SLC4A1AP: variants seen among roughly 807,000 people sequenced by gnomAD.
The protein encoded by SLC4A1AP is solute carrier family 4 member 1 adaptor protein.
In SLC4A1AP, 64 loss-of-function variants were observed where a neutral mutation model predicts 89.7. The observed-to-expected ratio is 0.71, with a 90% confidence interval of 0.58 to 0.88. SLC4A1AP has a LOEUF of 0.88. SLC4A1AP is among the 40% of genes least tolerant of loss of function. The pLI, the probability that SLC4A1AP is intolerant of heterozygous loss-of-function variation, is 0.00. For missense variants in SLC4A1AP, 931 were observed against 965.0 expected, an observed-to-expected ratio of 0.96 and a Z score of 0.47; for synonymous variants, 366 against 353.3, an observed-to-expected ratio of 1.04 and a Z score of -0.40.
intron 5 of SLC4A1AP, among the ~76,000 whole-genome samples, chr2:27,673,199 T>G (rs2148133429): frequency 6.6e-6 from 1 of 152,318 alleles, no homozygotes; most frequent in Non-Finnish European, 1.5e-5. Flanking sequence ...GGCTCTCAGC[T>G]TTCCCCACTG....
At chr2:27,680,179 A>G (rs1572993823) in intron 8 of SLC4A1AP, among the ~76,000 whole-genome samples, 1 of 152,188 alleles carries the variant, frequency 6.6e-6, no homozygotes, top group Admixed American at 6.5e-5. Flanking sequence ...AGCATCTGCT[A>G]CTGTATCTCT....
chr2:27,694,595 G>T, intron 13 of SLC4A1AP, 39 bp from the exon 14 acceptor site: 1 of 1,451,820 alleles, frequency 6.9e-7, no homozygotes, highest in Middle Eastern at 1.8e-4. Context: ...GACTTTGGAA[G>T]AGTAAATAAT....
chr2:27,689,715 A>G (rs1675757572), intron 12 of SLC4A1AP, among the ~76,000 whole-genome samples: 1 of 152,234 alleles, frequency 6.6e-6, no homozygotes, highest in Non-Finnish European at 1.5e-5. Context: ...CATGAATCAT[A>G]TTGTTTGTAC....
exon 9 of SLC4A1AP, chr2:27,682,264 A>G: frequency 6.2e-7 from 1 of 1,612,734 alleles, no homozygotes. Context: ...AACTCAGACT[A>G]CAGGTGCAGA....
In SLC4A1AP at chr2:27,668,919, A is replaced by G; in HGVS notation, c.1205+16A>G. 6.2e-7 allele frequency: 1 copy of G among 1,611,806 alleles called. No individual in the cohort carries two copies. The highest frequency in any genetic ancestry group is 8.5e-7 in the Non-Finnish European group (1 of 1,178,560). Reference sequence around the variant, plus strand: ...GCAGGGTGAGGTATGCTCTTTTCTTATTAATGTTCTTTTCTGGAAAATGGC... The same window carrying G: ...GCAGGGTGAGGTATGCTCTTTTCTTGTTAATGTTCTTTTCTGGAAAATGGC... On this transcript the variant is annotated intron_variant, in intron 4 of 13. Transcript: ENST00000613058.
intron 9 of SLC4A1AP, 84 bp downstream of exon 9, chr2:27,682,443 A>C (rs1675634344): frequency 1.3e-6 from 1 of 766,338 alleles, no homozygotes; most frequent in East Asian, 2.6e-5. Context: ...TGAAACTACA[A>C]ATGACTCATT....
At chr2:27,666,055 T>A (rs1675313348) in intron 2 of SLC4A1AP, among the ~76,000 whole-genome samples, 1 of 152,208 alleles carries the variant, frequency 6.6e-6, no homozygotes, top group Non-Finnish European at 1.5e-5. Flanking sequence ...ATGTGTGCTG[T>A]AAATGCAAAA....
At position 27,694,340 on chromosome 2, in the gene SLC4A1AP, G is replaced by A. The variant is rs113144544; in HGVS notation, c.2342-294G>A. On this transcript the variant is annotated intron_variant, in intron 13 of 13. Transcript: ENST00000613058. ...TTATGCTCATACACACACCCTTAAA[G>A]CAATGTATGAGATACTTACTTCCTC... Among the ~76,000 whole-genome samples, 688 of 152,132 alleles carry A rather than the reference G, an allele frequency of 4.5e-3. 3 individuals carry two copies. The highest frequency in any genetic ancestry group is 0.016 in the African/African-American group (650 of 41,498).
chr2:27,665,447 A>G (rs1270656327), intron 2 of SLC4A1AP, 152 bp downstream of exon 2: 1 of 546,220 alleles, frequency 1.8e-6, no homozygotes, highest in African/African-American at 2.0e-5. Context: ...AAACCCAGAG[A>G]GATTCACTGA....
intron 6 of SLC4A1AP, 76 bp downstream of exon 6, chr2:27,675,768 GT>G: frequency 1.0e-6 from 1 of 977,128 alleles, no homozygotes; most frequent in Non-Finnish European, 1.4e-6. Context: ...ATTTAAATAT[GT>G]TTTATGATAA....
At chr2:27,667,343 A>G in exon 3 of SLC4A1AP, 1 of 1,613,724 alleles carries the variant, frequency 6.2e-7, no homozygotes, top group South Asian at 1.1e-5. Flanking sequence ...GAGGCCTTTT[A>G]TATAAAGGAT....
intron 5 of SLC4A1AP, among the ~76,000 whole-genome samples, chr2:27,674,713 ATT>A (rs71401579): frequency 4.2e-5 from 5 of 118,072 alleles, no homozygotes; most frequent in Admixed American, 8.4e-5. Flanking sequence ...TTCCTCATTG[ATT>A]TTTTTTTTTT....
chr2:27,693,588 T>G, intron 12 of SLC4A1AP, 97 bp from the exon 13 acceptor site: 1 of 872,984 alleles, frequency 1.1e-6, no homozygotes. Context: ...TTTATTCTGC[T>G]TAAGGAGGCT....
At chr2:27,682,198 A>T in intron 8 of SLC4A1AP, 50 bp from the exon 9 acceptor site, 1 of 1,239,624 alleles carries the variant, frequency 8.1e-7, no homozygotes. Flanking sequence ...TTTTAGATAA[A>T]ACCTTGGGAC....
intron 9 of SLC4A1AP, 64 bp from the exon 10 acceptor site, chr2:27,684,973 A>C (rs1465633143): frequency 5.3e-6 from 8 of 1,523,006 alleles, no homozygotes; most frequent in Non-Finnish European, 7.0e-6. Context: ...GACCTCCTTG[A>C]AAAGATTTTT....
chr2:27,668,755 G>A (rs533155690), intron 3 of SLC4A1AP, 88 bp from the exon 4 acceptor site: 415 of 1,233,914 alleles, frequency 3.4e-4, no homozygotes, highest in Non-Finnish European at 3.5e-4. Flanking sequence ...GAACTTGTTC[G>A]TATTTAACGT....
chr2:27,693,480 G>A lies in SLC4A1AP; in HGVS notation c.2272-205G>A, dbSNP rs528203480. ...CATTTCTTGTAGGTCTGGTCTGGTA[G>A]TGACAAATTCCCTCAGCATGTGCTT... On this transcript the variant is annotated intron_variant, in intron 12 of 13. Transcript: ENST00000613058. 4 of 542,610 alleles carry A rather than the reference G, an allele frequency of 7.4e-6. No homozygotes were observed. The South Asian group carries it at 1.1e-4, about 15-fold the overall frequency. The allele number at this position is 542,610 out of a possible 1,614,324, so 33.6% of individuals were successfully genotyped here. A position where few individuals can be genotyped will look rare whatever the true frequency, so the allele number is the denominator to read the frequency against.
At chr2:27,666,408 AG>A (rs1276540559) in intron 2 of SLC4A1AP, among the ~76,000 whole-genome samples, 3 of 120,044 alleles carry the variant, frequency 2.5e-5, no homozygotes, top group Non-Finnish European at 5.0e-5. Flanking sequence ...TAGAGATTAC[AG>A]GCGTGAGCGA....
chr2:27,686,246 T>C (rs1045272423), intron 10 of SLC4A1AP, among the ~76,000 whole-genome samples: 8 of 152,238 alleles, frequency 5.3e-5, no homozygotes, highest in African/African-American at 1.9e-4. Flanking sequence ...GAAAAGTTAC[T>C]GTTTCCTCAT....
Sources: gnomAD v4.1 joint callset for allele counts (sites outside exome capture counted in the v4.1 genomes callset) on GRCh38, gnomAD v4.1.1 for gene constraint, MANE v1.5 for transcripts, NCBI Gene and HGNC (gene_info 2026-07-23, HGNC 2026-07-21) for gene names.